Variants in SLC25A22 observed in about 807,000 individuals in gnomAD.
SLC25A22 encodes the protein mitochondrial glutamate carrier 1.
SLC25A22 carries 23 observed loss-of-function variants against 33.7 expected under a neutral mutation model. The ratio of observed to expected loss-of-function variants is 0.68; its 90% CI spans 0.49 to 0.97. The LOEUF (loss-of-function observed/expected upper bound fraction) is 0.97. Ranked by LOEUF, SLC25A22 falls within the 50% of genes least tolerant of loss-of-function variation. SLC25A22 has a pLI of 0.00. For synonymous variants in SLC25A22, 245 were observed against 203.8 expected (o/e 1.20, Z -1.72); for missense variants, 390 against 451.1 (o/e 0.86, Z 1.23).
intron 1 of SLC25A22, 112 bp downstream of exon 1, chr11:798,105 A>T: frequency 3.7e-6 from 1 of 268,768 alleles, no homozygotes; most frequent in Non-Finnish European, 6.8e-6. Flanking sequence ...CCGCCAGGCC[A>T]CGTTGTTCGG....
At position 791,858 on chromosome 11, in the gene SLC25A22, T is replaced by G; in HGVS notation, c.*57A>C. On this transcript the variant is annotated 3_prime_UTR_variant, in exon 10 of 10. Transcript: ENST00000628067. ...CTTGCTCCGTCCTGGGCTAGCTGCC[T>G]GGCTCCAGCCCCACACCGGCCCTGC... 5.9e-6 allele frequency: 9 copies of G among 1,534,184 alleles called. No homozygotes were observed. The South Asian group carries it at 8.4e-5, about 14-fold the overall frequency.
Position 791,597 on chromosome 11 carries a change from C to G in SLC25A22, c.*318G>C, listed in dbSNP as rs780210144. On this transcript the variant is annotated 3_prime_UTR_variant, in exon 10 of 10. Coordinates refer to ENST00000628067, the MANE Select transcript of SLC25A22 (RefSeq NM_001191061.2). ...TGGTCCAGCCTGCCCGGCCCAGGCC[C>G]GGGGGCCCCCAGCCCAGAGACCAGC... The G allele has an allele frequency of 9.1e-6, 4 of 438,744 alleles. No homozygotes were observed. The highest frequency in any genetic ancestry group is 1.7e-5 in the Non-Finnish European group (4 of 239,960). 27.2% of individuals were successfully genotyped at this position (438,744 alleles called of 1,614,324 possible). A position where few individuals can be genotyped will look rare whatever the true frequency, so the allele number is the denominator to read the frequency against.
At position 794,876 on chromosome 11, in the gene SLC25A22, C is replaced by T. The variant is rs149569043; in HGVS notation, c.46G>A (p.Gly16Ser). 27 of 1,567,944 alleles carry T rather than the reference C, an allele frequency of 1.7e-5. No homozygotes were observed. Among genetic ancestry groups the T allele is most frequent in the African/African-American group, 9.4e-5 (7 of 74,266 alleles). ...GTGACACCGATCAGCCCGGCGATGC[C>T]GCCATTGATGAGCTTGGCTGGCAGG... ...ISLPAKLING[G>S]IAGLIGVTCV... is the part of the protein sequence containing the mutation. Residue 16 changes from glycine (G) to serine (S), a missense_variant, in exon 3 of 10, where the codon GGC becomes AGC. Coordinates refer to ENST00000628067, the MANE Select transcript of SLC25A22 (RefSeq NM_001191061.2).
At chr11:793,475 A>G in intron 5 of SLC25A22, 54 bp downstream of exon 5, 1 of 1,567,680 alleles carries the variant, frequency 6.4e-7, no homozygotes, top group Non-Finnish European at 8.8e-7. Flanking sequence ...GGGTGGACCC[A>G]TCCTTTATCT....
chr11:793,663 G>C, intron 4 of SLC25A22, 44 bp from the exon 5 acceptor site: 1 of 1,400,084 alleles, frequency 7.1e-7, no homozygotes, highest in Non-Finnish European at 1.0e-6. Context: ...TCGGTGGCCT[G>C]AGTGGGGAGG....
chr11:793,902 C>A, intron 4 of SLC25A22: 1 of 533,360 alleles, frequency 1.9e-6, no homozygotes, highest in Non-Finnish European at 3.4e-6. Flanking sequence ...GCCCCGGAGC[C>A]CCTGAGGCCT....
intron 4 of SLC25A22, chr11:793,965 G>C: frequency 2.1e-6 from 1 of 476,220 alleles, no homozygotes; most frequent in Non-Finnish European, 3.9e-6. Flanking sequence ...TGCTGGCAGG[G>C]GGCTGGGGCC....
chr11:797,967 C>G (rs1412666055), intron 1 of SLC25A22: 7 of 398,322 alleles, frequency 1.8e-5, no homozygotes, highest in South Asian at 1.3e-4. Flanking sequence ...GCTCGGGCCC[C>G]GGACACCCAC....
At chr11:793,074 G>C in intron 5 of SLC25A22, 86 bp from the exon 6 acceptor site, 1 of 1,310,570 alleles carries the variant, frequency 7.6e-7, no homozygotes, top group East Asian at 2.4e-5. Context: ...TGGGCGCAGA[G>C]GATGGTGGGA....
chr11:798,053 C>T (rs2133733804), intron 1 of SLC25A22, 164 bp downstream of exon 1: 4 of 398,372 alleles, frequency 1.0e-5, no homozygotes, highest in Non-Finnish European at 1.8e-5. Context: ...CCAGAGCAGC[C>T]GCGGATCGGA....
chr11:793,797 G>A, intron 4 of SLC25A22, 178 bp from the exon 5 acceptor site: 1 of 628,414 alleles, frequency 1.6e-6, no homozygotes, highest in Non-Finnish European at 2.9e-6. Flanking sequence ...AGGCAGGGAT[G>A]GGGCAGCACC....
intron 4 of SLC25A22, chr11:793,968 C>T: frequency 2.1e-6 from 1 of 472,974 alleles, no homozygotes; most frequent in Non-Finnish European, 3.9e-6. Context: ...TGGCAGGGGG[C>T]TGGGGCCAGA....
chr11:793,951 C>T, intron 4 of SLC25A22: 1 of 478,568 alleles, frequency 2.1e-6, no homozygotes, highest in South Asian at 2.0e-5. Flanking sequence ...ACAGATGGTG[C>T]TTGTGCTGGC....
At position 791,758 on chromosome 11, in the gene SLC25A22, G is replaced by T; in HGVS notation, c.*157C>A. The T allele has an allele frequency of 9.9e-7, 1 of 1,009,594 alleles. No homozygotes were observed. The highest frequency in any genetic ancestry group is 1.4e-6 in the Non-Finnish European group (1 of 710,822). 62.5% of individuals were successfully genotyped at this position (1,009,594 alleles called of 1,614,324 possible). A position where few individuals can be genotyped will look rare whatever the true frequency, so the allele number is the denominator to read the frequency against. On this transcript the variant is annotated 3_prime_UTR_variant, in exon 10 of 10. Transcript: ENST00000628067. Reference sequence around the variant, plus strand: ...AGGCAGCACCCCGGGGGGCTTGCGTGTGCACCACCTATGTGGACCCTGCAC... The same window carrying T: ...AGGCAGCACCCCGGGGGGCTTGCGTTTGCACCACCTATGTGGACCCTGCAC...
Position 791,848 on chromosome 11 carries a change from G to A in SLC25A22, c.*67C>T, listed in dbSNP as rs2133696487. 1 of 1,521,454 alleles carries A rather than the reference G, an allele frequency of 6.6e-7. No individual in the cohort carries two copies. The highest frequency in any genetic ancestry group is 2.4e-5 in the East Asian group (1 of 40,996). 94.2% of individuals were successfully genotyped at this position (1,521,454 alleles called of 1,614,324 possible). A position where few individuals can be genotyped will look rare whatever the true frequency, so the allele number is the denominator to read the frequency against. On this transcript the variant is annotated 3_prime_UTR_variant, in exon 10 of 10. Coordinates refer to ENST00000628067, the MANE Select transcript of SLC25A22 (RefSeq NM_001191061.2). Reference sequence around the variant, plus strand: ...GGGGTCTTCCCTTGCTCCGTCCTGGGCTAGCTGCCTGGCTCCAGCCCCACA... The same window carrying A: ...GGGGTCTTCCCTTGCTCCGTCCTGGACTAGCTGCCTGGCTCCAGCCCCACA...
rs1030248903 is a variant in SLC25A22, at chr11:791,671, G to A, written c.*244C>T. ...CAGGGCAGGATTGGGGCAGGGGCTAGCTTGAGGAATGTAAAGATTTCTGCA... is the reference window on the plus strand; with the variant it reads ...CAGGGCAGGATTGGGGCAGGGGCTAACTTGAGGAATGTAAAGATTTCTGCA... On this transcript the variant is annotated 3_prime_UTR_variant, in exon 10 of 10. Coordinates refer to ENST00000628067, the MANE Select transcript of SLC25A22 (RefSeq NM_001191061.2). 8 of 582,828 alleles carry A rather than the reference G, an allele frequency of 1.4e-5. No homozygotes were observed. In the East Asian group the frequency reaches 2.1e-4, roughly 15 times the overall value. The allele number at this position is 582,828 out of a possible 1,614,324, so 36.1% of individuals were successfully genotyped here.
rs528843808 is a variant in SLC25A22, at chr11:794,334, C to T, written c.202+124G>A. The T allele has an allele frequency of 2.4e-5, 27 of 1,116,124 alleles. No homozygotes were observed. In the East Asian group the frequency reaches 3.1e-4, roughly 13 times the overall value. 69.1% of individuals were successfully genotyped at this position (1,116,124 alleles called of 1,614,324 possible). On this transcript the variant is annotated intron_variant, in intron 4 of 9. Coordinates refer to ENST00000628067, the MANE Select transcript of SLC25A22 (RefSeq NM_001191061.2). ...TGCACAGGCACAGCCCCCACAAACA[C>T]GTCCACGCTCACACACCAGGCCCAG...
In SLC25A22 at chr11:795,170, C is replaced by T. The variant is rs1864740961; in HGVS notation, c.-163-1G>A. On this transcript the variant is annotated splice_acceptor_variant, in intron 1 of 9. Coordinates refer to ENST00000628067, the MANE Select transcript of SLC25A22 (RefSeq NM_001191061.2). LOFTEE classifies it low-confidence loss of function (5UTR_SPLICE). Reference sequence around the variant, plus strand: ...GGCGTCAGCAACCGCCACTTCTGTCCTAGAAGGATGAGGGAATGGGAATGA... The same window carrying T: ...GGCGTCAGCAACCGCCACTTCTGTCTTAGAAGGATGAGGGAATGGGAATGA... 2 of 835,444 alleles carry T rather than the reference C, an allele frequency of 2.4e-6. No individual in the cohort carries two copies. Among genetic ancestry groups the T allele is most frequent in the South Asian group, 2.9e-5 (2 of 68,894 alleles). 51.8% of individuals were successfully genotyped at this position (835,444 alleles called of 1,614,324 possible).
chr11:793,859 G>A, intron 4 of SLC25A22: 1 of 582,468 alleles, frequency 1.7e-6, no homozygotes, highest in Non-Finnish European at 3.1e-6. Flanking sequence ...CTCTGATTCT[G>A]GGCAGCATCT....
Sources: allele counts gnomAD v4.1 joint callset, GRCh38; gene constraint gnomAD v4.1.1; transcripts MANE v1.5; gene names NCBI Gene and HGNC (gene_info 2026-07-23, HGNC 2026-07-21).